NBEA: variants seen among roughly 807,000 people sequenced by gnomAD.
The protein encoded by NBEA is lysosomal-trafficking regulator 2.
Under a neutral mutation model 343.4 loss-of-function variants are expected in NBEA, and 44 were observed. The ratio of observed to expected loss-of-function variants is 0.13; its 90% CI spans 0.10 to 0.16. NBEA has a LOEUF of 0.16. Among genes scored for constraint, NBEA ranks in the 10% least tolerant of loss-of-function variants. The pLI, the probability that NBEA is intolerant of heterozygous loss-of-function variation, is 1.00. For missense variants in NBEA, 2,555 were observed against 3,631.3 expected, an observed-to-expected ratio of 0.70 and a Z score of 7.62; for synonymous variants, 1,175 against 1,238.7, an observed-to-expected ratio of 0.95 and a Z score of 1.08.
intron 1 of NBEA, among the ~76,000 whole-genome samples, chr13:34,995,154 A>G (rs1255385603): frequency 2.0e-5 from 3 of 152,186 alleles, no homozygotes; most frequent in African/African-American, 7.2e-5. Flanking sequence ...CATTAAGGAT[A>G]TTAAAAAGGA....
At chr13:35,186,042 G>A (rs976146561) in intron 30 of NBEA, 1 of 152,166 alleles carries the variant, frequency 6.6e-6, no homozygotes, top group Non-Finnish European at 1.5e-5. Flanking sequence ...GGTGGTGCAT[G>A]CCTATAATCC....
At chr13:35,358,674 T>G (rs1222517572) in intron 38 of NBEA, among the ~76,000 whole-genome samples, 1 of 151,756 alleles carries the variant, frequency 6.6e-6, no homozygotes, top group Non-Finnish European at 1.5e-5. Flanking sequence ...GCCGAGATTG[T>G]GCCAGTGCAC....
At chr13:35,249,365 A>G (rs1038281042) in intron 34 of NBEA, among the ~76,000 whole-genome samples, 1 of 152,162 alleles carries the variant, frequency 6.6e-6, no homozygotes, top group Non-Finnish European at 1.5e-5. Flanking sequence ...TGCACATTAT[A>G]TATCTGTTAA....
chr13:35,508,415 T>C (rs2077153170), intron 41 of NBEA, among the ~76,000 whole-genome samples: 1 of 152,200 alleles, frequency 6.6e-6, no homozygotes. Context: ...AGATTTACTT[T>C]TCTAATTAAT....
intron 53 of NBEA, among the ~76,000 whole-genome samples, chr13:35,652,422 C>T (rs1359610861): frequency 5.3e-5 from 8 of 150,910 alleles, no homozygotes; most frequent in East Asian, 2.0e-4. Context: ...GGGCGGATCA[C>T]GAGGTCAGGA....
chr13:35,177,346 C>T (rs760224290), intron 28 of NBEA, among the ~76,000 whole-genome samples: 3 of 151,780 alleles, frequency 2.0e-5, no homozygotes, highest in Non-Finnish European at 4.4e-5. Flanking sequence ...AAGAATAGGA[C>T]TAGCTCTGAA....
In NBEA at chr13:35,028,486, G is replaced by C. The variant is rs145889225; in HGVS notation, c.295-12447G>C. 2.4e-3 allele frequency among the ~76,000 whole-genome samples: 370 copies of C among 151,844 alleles called. 1 individual carries two copies. Among genetic ancestry groups the C allele is most frequent in the African/African-American group, 8.6e-3 (356 of 41,504 alleles). ...GTATATAGAAATAGAATTGACTTTT[G>C]TATGTTGATCCTGTTACCTAGCTAA... On this transcript the variant is annotated intron_variant, in intron 1 of 58. Transcript: ENST00000379939.
intron 38 of NBEA, among the ~76,000 whole-genome samples, chr13:35,408,466 C>T (rs950385050): frequency 1.3e-5 from 2 of 152,106 alleles, no homozygotes; most frequent in African/African-American, 2.4e-5. Context: ...GATTTCATGA[C>T]GAAGACACCA....
At chr13:35,423,285 C>G (rs953603413) in intron 38 of NBEA, among the ~76,000 whole-genome samples, 42 of 152,092 alleles carry the variant, frequency 2.8e-4, no homozygotes, top group Non-Finnish European at 2.9e-5. Flanking sequence ...GGTTTTAGGT[C>G]TAACATTTAA....
chr13:34,964,401 CCTGT>C (rs1270326931), intron 1 of NBEA, among the ~76,000 whole-genome samples: 2 of 151,924 alleles, frequency 1.3e-5, no homozygotes, highest in African/African-American at 4.8e-5. Flanking sequence ...TTTGCCCCTG[CCTGT>C]CTTTCTAGTG....
Position 35,571,867 on chromosome 13 carries a change from A to G in NBEA, c.7035+4850A>G, listed in dbSNP as rs1359136572. Among the ~76,000 whole-genome samples, 4 of 152,176 alleles carry G rather than the reference A, an allele frequency of 2.6e-5. No individual in the cohort carries two copies. In the East Asian group the frequency reaches 7.7e-4, roughly 29 times the overall value. Reference sequence around the variant, plus strand: ...TTATTAGAACTTTAGGTGCACATTTATTTAGACTGAAATATTTTATATTTA... The same window carrying G: ...TTATTAGAACTTTAGGTGCACATTTGTTTAGACTGAAATATTTTATATTTA... On this transcript the variant is annotated intron_variant, in intron 45 of 58. Transcript: ENST00000379939.
At chr13:35,343,009 T>C (rs2039673685) in intron 36 of NBEA, among the ~76,000 whole-genome samples, 1 of 152,000 alleles carries the variant, frequency 6.6e-6, no homozygotes, top group Non-Finnish European at 1.5e-5. Context: ...TGAGTTCCAT[T>C]TATTAAAGGC....
In NBEA at chr13:35,599,632, G is replaced by T. The variant is rs115499330; in HGVS notation, c.7296+6185G>T. Among the ~76,000 whole-genome samples the T allele has an allele frequency of 3.6e-3, 556 of 152,342 alleles. 1 individual carries two copies. The highest frequency in any genetic ancestry group is 0.013 in the African/African-American group (528 of 41,578). On this transcript the variant is annotated intron_variant, in intron 47 of 58. Coordinates refer to ENST00000379939, the MANE Select transcript of NBEA (RefSeq NM_001385012.1). The stretch of plus-strand genomic sequence containing the variant: ...CTCTTAAACTCTTAGGCTGCCCTAA[G>T]AAGCCTTGCAGTGTCACCTTGTCAC...
chr13:35,496,077 G>A (rs2076664762), intron 41 of NBEA, among the ~76,000 whole-genome samples: 1 of 151,890 alleles, frequency 6.6e-6, no homozygotes, highest in Admixed American at 6.6e-5. Flanking sequence ...AAGATAATTG[G>A]GTGGAAGTTA....
At chr13:34,993,068 C>G (rs562142677) in intron 1 of NBEA, among the ~76,000 whole-genome samples, 4 of 152,110 alleles carry the variant, frequency 2.6e-5, no homozygotes, top group Non-Finnish European at 5.9e-5. Flanking sequence ...ATTCATTACT[C>G]GCTCCTCTCT....
chr13:35,441,931 T>G (rs1212506305), intron 39 of NBEA, among the ~76,000 whole-genome samples: 2 of 152,238 alleles, frequency 1.3e-5, no homozygotes, highest in South Asian at 2.1e-4. Context: ...AGTTAATCTT[T>G]TTTTTCATTC....
chr13:35,547,227 A>G (rs540505426), intron 41 of NBEA, among the ~76,000 whole-genome samples: 2 of 151,882 alleles, frequency 1.3e-5, no homozygotes, highest in South Asian at 2.1e-4. Context: ...TGATGTTGCC[A>G]TTGTTCAAAA....
intron 33 of NBEA, among the ~76,000 whole-genome samples, chr13:35,220,392 A>T (rs2074298571): frequency 6.6e-6 from 1 of 152,160 alleles, no homozygotes; most frequent in African/African-American, 2.4e-5. Flanking sequence ...GATTTAGTGC[A>T]GGTTTGCCTG....
chr13:35,258,023 C>T (rs1287774836), intron 34 of NBEA, among the ~76,000 whole-genome samples: 3 of 151,944 alleles, frequency 2.0e-5, no homozygotes, highest in African/African-American at 4.8e-5. Context: ...TTGTAATGAA[C>T]TTTACATATA....
Sources: allele counts gnomAD v4.1 joint callset (sites outside exome capture counted in the v4.1 genomes callset), GRCh38; gene constraint gnomAD v4.1.1; transcripts MANE v1.5; gene names NCBI Gene and HGNC (gene_info 2026-07-23, HGNC 2026-07-21).